Variants in KIF6 observed in about 807,000 individuals in gnomAD.
KIF6 encodes kinesin-like protein KIF6.
KIF6 carries 106 observed loss-of-function variants against 112.7 expected under a neutral mutation model. The ratio of observed to expected loss-of-function variants is 0.94; its 90% CI spans 0.80 to 1.11. The LOEUF (loss-of-function observed/expected upper bound fraction) is 1.11. Ranked by LOEUF, KIF6 falls within the 50% of genes least tolerant of loss-of-function variation. KIF6 has a pLI of 0.00. For synonymous variants in KIF6, 339 were observed against 339.9 expected, an observed-to-expected ratio of 1.00 and a Z score of 0.03; for missense variants, 929 against 964.0, an observed-to-expected ratio of 0.96 and a Z score of 0.48.
At chr6:39,354,062 C>T (rs563491017) in intron 19 of KIF6, 4 of 301,436 alleles carry the variant, frequency 1.3e-5, no homozygotes, top group South Asian at 9.0e-5. Flanking sequence ...CTCCTGAGAA[C>T]GGTCACGTGG....
intron 10 of KIF6, among the ~76,000 whole-genome samples, chr6:39,555,582 C>T (rs532687192): frequency 5.9e-5 from 9 of 152,280 alleles, no homozygotes; most frequent in Non-Finnish European, 8.8e-5. Context: ...TAACCTCCCA[C>T]GGTCCCATAG....
chr6:39,522,175 T>C (rs1261227629), intron 13 of KIF6, among the ~76,000 whole-genome samples: 2 of 152,334 alleles, frequency 1.3e-5, no homozygotes, highest in East Asian at 3.9e-4. Context: ...AGGATGTTTA[T>C]TCTCCCACAA....
At chr6:39,631,705 G>GTT (rs370778695) in intron 5 of KIF6, among the ~76,000 whole-genome samples, 12 of 143,774 alleles carry the variant, frequency 8.3e-5, no homozygotes, top group Non-Finnish European at 1.5e-4. Flanking sequence ...TCAGTCTGTA[G>GTT]TTTTTTTTTT....
chr6:39,491,374 G>C (rs1163011959), intron 13 of KIF6, among the ~76,000 whole-genome samples: 1 of 152,066 alleles, frequency 6.6e-6, no homozygotes, highest in Non-Finnish European at 1.5e-5. Flanking sequence ...CATTGTTCCA[G>C]GTCCAGCCAC....
At position 39,590,425 on chromosome 6, in the gene KIF6, GTGTGTATA is replaced by G. The variant is rs1332173641; in HGVS notation, c.847-4029_847-4022del. Among the ~76,000 whole-genome samples, 17 of 117,362 alleles carry G rather than the reference GTGTGTATA, an allele frequency of 1.4e-4. 1 individual carries two copies. Among genetic ancestry groups the G allele is most frequent in the African/African-American group, 6.0e-4 (15 of 25,082 alleles). The allele number at this position is 117,362 out of a possible 152,430, so 77.0% of individuals were successfully genotyped here. A position where few individuals can be genotyped will look rare whatever the true frequency, so the allele number is the denominator to read the frequency against. ...TATATATATATGTGTGTGTATGTGTGTGTGTATATATATATATATATATATATTTTTTT... is the reference window on the plus strand; with the variant it reads ...TATATATATATGTGTGTGTATGTGTGTATATATATATATATATATTTTTTT... On this transcript the variant is annotated intron_variant, in intron 7 of 22. Transcript: ENST00000287152.
chr6:39,669,322 A>C (rs1195660744), intron 3 of KIF6, among the ~76,000 whole-genome samples: 1 of 152,232 alleles, frequency 6.6e-6, no homozygotes, highest in Non-Finnish European at 1.5e-5. Flanking sequence ...AAAATCATTC[A>C]AAGAGTTCTT....
chr6:39,557,938 A>G (rs1779800291), intron 10 of KIF6, among the ~76,000 whole-genome samples: 2 of 151,218 alleles, frequency 1.3e-5, no homozygotes, highest in Non-Finnish European at 2.9e-5. Flanking sequence ...AGTGATTTCT[A>G]TCCCCCTTTT....
chr6:39,418,286 ATCT>A (rs1388745606), intron 15 of KIF6, among the ~76,000 whole-genome samples: 2 of 152,212 alleles, frequency 1.3e-5, no homozygotes, highest in African/African-American at 4.8e-5. Flanking sequence ...TGTGCCAGCG[ATCT>A]TCTGGCAGTC....
intron 3 of KIF6, among the ~76,000 whole-genome samples, chr6:39,692,745 T>C (rs1216949709): frequency 6.6e-6 from 1 of 152,236 alleles, no homozygotes; most frequent in East Asian, 1.9e-4. Context: ...AATTTACTGA[T>C]GGTTAATTAA....
chr6:39,634,701 A>C, intron 5 of KIF6, 148 bp downstream of exon 5: 1 of 656,370 alleles, frequency 1.5e-6, no homozygotes, highest in Non-Finnish European at 2.7e-6. Flanking sequence ...ATAACTGAAA[A>C]AAAAATCCAT....
intron 13 of KIF6, among the ~76,000 whole-genome samples, chr6:39,440,618 C>A (rs1162285966): frequency 2.0e-5 from 3 of 150,768 alleles, no homozygotes; most frequent in African/African-American, 7.3e-5. Context: ...GTCTTCTCTC[C>A]CCTCTCTTCT....
chr6:39,543,149 C>T (rs1045960993), intron 12 of KIF6, among the ~76,000 whole-genome samples: 7 of 152,156 alleles, frequency 4.6e-5, no homozygotes, highest in African/African-American at 1.7e-4. Flanking sequence ...TATGCACAGA[C>T]ATTCATAAGC....
At chr6:39,528,884 A>G (rs1050644038) in intron 13 of KIF6, among the ~76,000 whole-genome samples, 3 of 152,248 alleles carry the variant, frequency 2.0e-5, no homozygotes, top group African/African-American at 7.2e-5. Flanking sequence ...TCTAAATTTC[A>G]TATGGAACCA....
At chr6:39,549,578 T>G (rs1779258052) in intron 10 of KIF6, among the ~76,000 whole-genome samples, 1 of 152,190 alleles carries the variant, frequency 6.6e-6, no homozygotes, top group South Asian at 2.1e-4. Context: ...AATACCATAT[T>G]GGGTGATGTA....
intron 10 of KIF6, among the ~76,000 whole-genome samples, chr6:39,570,906 T>C (rs919254477): frequency 5.3e-5 from 8 of 152,212 alleles, no homozygotes; most frequent in African/African-American, 1.9e-4. Flanking sequence ...TTTCTAGCAG[T>C]ATGAATACAG....
At chr6:39,360,658 G>A (rs1272395133) in intron 17 of KIF6, 128 bp from the exon 18 acceptor site, 1 of 1,022,188 alleles carries the variant, frequency 9.8e-7, no homozygotes, top group East Asian at 2.5e-5. Context: ...CAGGGACTGG[G>A]ACCCTATAGG....
intron 3 of KIF6, among the ~76,000 whole-genome samples, chr6:39,704,265 T>C (rs1030884640): frequency 6.6e-6 from 1 of 152,196 alleles, no homozygotes; most frequent in African/African-American, 2.4e-5. Flanking sequence ...GTACAGCTCA[T>C]TGGATTGTCA....
rs572126985 is a variant in KIF6 at position 39,440,266 on chromosome 6, G to A, written c.1646-9105C>T. ...AAGCTGATGATTCACGGTGGGAATC[G>A]TATTGAAGGATGATTATACTCTGTG... On this transcript the variant is annotated intron_variant, in intron 13 of 22. Coordinates refer to ENST00000287152, the MANE Select transcript of KIF6 (RefSeq NM_145027.6). 1.2e-4 allele frequency among the ~76,000 whole-genome samples: 18 copies of A among 152,238 alleles called. No homozygotes were observed. The South Asian group carries it at 2.7e-3, about 23-fold the overall frequency.
chr6:39,634,116 G>A (rs1784495416), intron 5 of KIF6, among the ~76,000 whole-genome samples: 1 of 152,062 alleles, frequency 6.6e-6, no homozygotes, highest in Admixed American at 6.6e-5. Context: ...GAATGAATAT[G>A]TGTTTCTAAA....
Sources: gnomAD v4.1 joint callset for allele counts (sites outside exome capture counted in the v4.1 genomes callset) on GRCh38, gnomAD v4.1.1 for gene constraint, MANE v1.5 for transcripts, NCBI Gene and HGNC (gene_info 2026-07-23, HGNC 2026-07-21) for gene names.